Variants in ERI3 observed in about 807,000 individuals in gnomAD.
ERI3 encodes the protein ERI1 exoribonuclease family member 3.
In ERI3, 18 loss-of-function variants were observed where a neutral mutation model predicts 44.4. The ratio of observed to expected loss-of-function variants is 0.41; its 90% CI spans 0.28 to 0.60. ERI3 has a LOEUF of 0.60. ERI3 is among the 20% of genes least tolerant of loss of function. The pLI is 0.36. For missense variants in ERI3, 294 were observed against 435.5 expected, an observed-to-expected ratio of 0.68 and a Z score of 2.89; for synonymous variants, 183 against 164.8, an observed-to-expected ratio of 1.11 and a Z score of -0.84.
chr1:44,227,574 ATTAT>A (rs1644075367), intron 8 of ERI3, among the ~76,000 whole-genome samples: 1 of 152,184 alleles, frequency 6.6e-6, no homozygotes, highest in African/African-American at 2.4e-5. Flanking sequence ...TATACTAAAA[ATTAT>A]TTATCTGAAA....
intron 6 of ERI3, among the ~76,000 whole-genome samples, chr1:44,290,409 G>C (rs903433332): frequency 4.6e-5 from 7 of 152,176 alleles, no homozygotes; most frequent in African/African-American, 1.7e-4. Flanking sequence ...GGGTGGGTGG[G>C]CTTGCTTCCA....
In ERI3 at chr1:44,354,030, GC is replaced by G. The variant is rs1646948034; in HGVS notation, c.135+861del. The G allele has an allele frequency of 7.1e-6, 7 of 985,378 alleles. No homozygotes were observed. In the African/African-American group the frequency reaches 8.7e-5, roughly 12 times the overall value. 61.0% of individuals were successfully genotyped at this position (985,378 alleles called of 1,614,324 possible). On this transcript the variant is annotated intron_variant, in intron 1 of 8. Coordinates refer to ENST00000372257, the MANE Select transcript of ERI3 (RefSeq NM_024066.3). The stretch of plus-strand genomic sequence containing the variant: ...TCAGGTATAATAAACTAAGCTCCAA[GC>G]AAGAACCCACTAAAACAAGGCATGC...
chr1:44,354,606 T>A, intron 1 of ERI3: 1 of 985,404 alleles, frequency 1.0e-6, no homozygotes, highest in Non-Finnish European at 1.2e-6. Flanking sequence ...GTCAAGGGAA[T>A]GTTCTACCCA....
At chr1:44,317,655 T>C (rs535160088) in intron 4 of ERI3, among the ~76,000 whole-genome samples, 98 of 152,212 alleles carry the variant, frequency 6.4e-4, no homozygotes, top group Admixed American at 2.2e-3. Flanking sequence ...TAAATAATTA[T>C]AGTATAAAGT....
chr1:44,237,996 G>A (rs1644344041), intron 8 of ERI3, among the ~76,000 whole-genome samples: 1 of 152,068 alleles, frequency 6.6e-6, no homozygotes, highest in African/African-American at 2.4e-5. Flanking sequence ...TCCTCTGGGT[G>A]CCCTGCCTCA....
chr1:44,264,185 A>G (rs1156579061), intron 7 of ERI3, among the ~76,000 whole-genome samples: 1 of 152,240 alleles, frequency 6.6e-6, no homozygotes, highest in Non-Finnish European at 1.5e-5. Flanking sequence ...TTGCATGAGC[A>G]GGGCCAATTC....
intron 1 of ERI3, chr1:44,353,328 T>C (rs916618139): frequency 2.9e-5 from 29 of 985,296 alleles, no homozygotes; most frequent in African/African-American, 3.5e-5. Flanking sequence ...CCACAAGCCA[T>C]ACTGAAAATG....
At position 44,324,630 on chromosome 1, in the gene ERI3, C is replaced by T. The variant is rs147680750; in HGVS notation, c.490-4886G>A. On this transcript the variant is annotated intron_variant, in intron 3 of 8. Coordinates refer to ENST00000372257, the MANE Select transcript of ERI3 (RefSeq NM_024066.3). Reference sequence around the variant, plus strand: ...CCGAGTAGCTGGGACTACAGGAGCCCGCCACCACATCCGGCTAATTTTTTT... The same window carrying T: ...CCGAGTAGCTGGGACTACAGGAGCCTGCCACCACATCCGGCTAATTTTTTT... 8.3e-3 allele frequency among the ~76,000 whole-genome samples: 1,261 copies of T among 152,078 alleles called. 19 individuals carry two copies. Among genetic ancestry groups the T allele is most frequent in the African/African-American group, 0.028 (1,166 of 41,496 alleles).
At chr1:44,335,999 C>T (rs529494063) in intron 3 of ERI3, among the ~76,000 whole-genome samples, 1 of 152,142 alleles carries the variant, frequency 6.6e-6, no homozygotes, top group African/African-American at 2.4e-5. Flanking sequence ...AAGTTGTTAT[C>T]GTACTCCTTG....
chr1:44,236,143 C>T (rs964681674), intron 8 of ERI3, among the ~76,000 whole-genome samples: 4 of 152,186 alleles, frequency 2.6e-5, no homozygotes, highest in Non-Finnish European at 5.9e-5. Context: ...CTAATGGGAA[C>T]CACCTCAGCT....
At chr1:44,277,333 C>A (rs1572171370) in intron 7 of ERI3, among the ~76,000 whole-genome samples, 1 of 152,302 alleles carries the variant, frequency 6.6e-6, no homozygotes, top group African/African-American at 2.4e-5. Flanking sequence ...CTCCCTCCTG[C>A]ACCTTCAACA....
At chr1:44,278,331 G>A (rs1645220082) in intron 7 of ERI3, among the ~76,000 whole-genome samples, 2 of 152,048 alleles carry the variant, frequency 1.3e-5, no homozygotes, top group South Asian at 4.1e-4. Flanking sequence ...ACAAAAATTA[G>A]CTTGGCATGG....
intron 8 of ERI3, among the ~76,000 whole-genome samples, chr1:44,245,748 G>T (rs1001962172): frequency 2.0e-5 from 3 of 152,178 alleles, no homozygotes; most frequent in Admixed American, 2.0e-4. Context: ...CACAAAGAGT[G>T]GGAACGAGGA....
At chr1:44,287,439 T>G (rs551618586) in intron 6 of ERI3, among the ~76,000 whole-genome samples, 3 of 152,350 alleles carry the variant, frequency 2.0e-5, no homozygotes, top group African/African-American at 7.2e-5. Flanking sequence ...TCCCTTTGTT[T>G]CAGGCAGTGT....
Position 44,339,332 on chromosome 1 carries a change from G to A in ERI3, c.212-10C>T. 6 of 1,131,088 alleles carry A rather than the reference G, an allele frequency of 5.3e-6. No individual in the cohort carries two copies. The South Asian group carries it at 7.8e-5, about 15-fold the overall frequency. 70.1% of individuals were successfully genotyped at this position (1,131,088 alleles called of 1,614,324 possible). A position where few individuals can be genotyped will look rare whatever the true frequency, so the allele number is the denominator to read the frequency against. On this transcript the variant is annotated splice_polypyrimidine_tract_variant and intron_variant, in intron 2 of 8. Coordinates refer to ENST00000372257, the MANE Select transcript of ERI3 (RefSeq NM_024066.3). ...CCAGAAGCATCTAAAACTTAGGGGAGGAAAGTTTAAAAAAAAAAAAAAAAA... is the reference window on the plus strand; with the variant it reads ...CCAGAAGCATCTAAAACTTAGGGGAAGAAAGTTTAAAAAAAAAAAAAAAAA...
chr1:44,332,867 G>A (rs975555424), intron 3 of ERI3, among the ~76,000 whole-genome samples: 2 of 152,320 alleles, frequency 1.3e-5, no homozygotes, highest in African/African-American at 2.4e-5. Flanking sequence ...CATTTATGGA[G>A]GCAGTGACAA....
chr1:44,268,380 T>A (rs968955344), intron 7 of ERI3, among the ~76,000 whole-genome samples: 4 of 152,154 alleles, frequency 2.6e-5, no homozygotes, highest in African/African-American at 9.7e-5. Context: ...AAGAGAGAAA[T>A]GTCTTTATTA....
chr1:44,352,137 C>T (rs567104265), intron 2 of ERI3, among the ~76,000 whole-genome samples: 70 of 152,276 alleles, frequency 4.6e-4, no homozygotes, highest in African/African-American at 1.5e-3. Context: ...CAAACAAGCT[C>T]GAGTCCCTGG....
chr1:44,310,953 G>A (rs1346724616), intron 5 of ERI3, among the ~76,000 whole-genome samples: 5 of 67,472 alleles, frequency 7.4e-5, no homozygotes, highest in African/African-American at 3.1e-4. Flanking sequence ...TGTGCACATC[G>A]CGCGCGCGCG....
Sources: allele counts gnomAD v4.1 joint callset (sites outside exome capture counted in the v4.1 genomes callset), GRCh38; gene constraint gnomAD v4.1.1; transcripts MANE v1.5; gene names NCBI Gene and HGNC (gene_info 2026-07-23, HGNC 2026-07-21).